The following HBP1 variants were observed in gnomAD, a reference collection of about 807,000 sequenced individuals.
The protein encoded by HBP1 is HMG box-containing protein 1.
In HBP1, 20 loss-of-function variants were observed where a neutral mutation model predicts 62.6. That is an observed-to-expected ratio of 0.32 (90% CI 0.22 to 0.46). HBP1 has a LOEUF of 0.46. Among genes scored for constraint, HBP1 ranks in the 20% least tolerant of loss-of-function variants. The pLI is 1.00. For missense variants in HBP1, 480 were observed against 611.8 expected (o/e 0.78, Z 2.27); for synonymous variants, 232 against 206.2 (o/e 1.12, Z -1.07).
intron 9 of HBP1, among the ~76,000 whole-genome samples, chr7:107,197,886 T>G (rs1034119455): frequency 2.6e-5 from 4 of 152,218 alleles, no homozygotes; most frequent in Non-Finnish European, 5.9e-5. Flanking sequence ...CCTTTCCCCT[T>G]GCTCAATTTG....
chr7:107,190,048 G>A, intron 7 of HBP1, 125 bp from the exon 8 acceptor site: 1 of 675,854 alleles, frequency 1.5e-6, no homozygotes, highest in Non-Finnish European at 2.5e-6. Context: ...CATGACTTGT[G>A]TTAGAGAATC....
intron 3 of HBP1, among the ~76,000 whole-genome samples, chr7:107,183,451 T>C (rs2115870980): frequency 6.6e-6 from 1 of 152,354 alleles, no homozygotes; most frequent in South Asian, 2.1e-4. Context: ...TAGCAGGATA[T>C]TGATCTTGAC....
At chr7:107,188,606 A>C (rs1417566201) in intron 6 of HBP1, among the ~76,000 whole-genome samples, 4 of 152,170 alleles carry the variant, frequency 2.6e-5, no homozygotes, top group African/African-American at 9.7e-5. Context: ...GCATGTGTTA[A>C]ATGCTCAATA....
intron 9 of HBP1, among the ~76,000 whole-genome samples, chr7:107,199,259 A>C (rs924000902): frequency 1.3e-5 from 2 of 152,138 alleles, no homozygotes; most frequent in East Asian, 3.9e-4. Flanking sequence ...CAAATAGTAG[A>C]GATGGGGTGA....
intron 6 of HBP1, among the ~76,000 whole-genome samples, chr7:107,188,695 A>G (rs1429625338): frequency 1.3e-5 from 2 of 152,190 alleles, no homozygotes; most frequent in Non-Finnish European, 2.9e-5. Context: ...CTCTCATTAT[A>G]TCCTCAGGTA....
At chr7:107,192,721 A>G (rs1296933351) in intron 8 of HBP1, 1 of 152,160 alleles carries the variant, frequency 6.6e-6, no homozygotes, top group African/African-American at 2.4e-5. Context: ...GATCTCACTG[A>G]ATAATAATCA....
At chr7:107,179,805 GA>G in intron 1 of HBP1, 73 bp from the exon 2 acceptor site, 1 of 901,246 alleles carries the variant, frequency 1.1e-6, no homozygotes, top group South Asian at 2.0e-5. Context: ...TCATGTCTCT[GA>G]TTTATTTTAG....
intron 9 of HBP1, among the ~76,000 whole-genome samples, chr7:107,197,669 C>G (rs991092905): frequency 2.6e-5 from 4 of 152,160 alleles, no homozygotes; most frequent in African/African-American, 4.8e-5. Context: ...GGGCCCAGCG[C>G]TAAGAGGCTT....
chr7:107,190,177 G>T lies in HBP1; in HGVS notation c.927G>T (p.Trp309Cys). The T allele has an allele frequency of 6.2e-7, 1 of 1,605,804 alleles. No individual in the cohort carries two copies. Among genetic ancestry groups the T allele is most frequent in the Non-Finnish European group, 8.5e-7 (1 of 1,176,122 alleles). ...DHPFYVKNKG[W>C]SSFYPSLTVV... ...TGCAACATTGTTTAACTTTAGGTTG[G>T]TCATCATTTTATCCAAGCTTGACTG... The change falls in exon 8 of 11, where the codon TGG becomes TGT. Residue 309 changes from tryptophan (W) to cysteine (C), a missense_variant. This residue lies in a region of HBP1 where 58 missense variants were observed against 128.5 expected (regional missense o/e 0.45). Transcript: ENST00000222574.
intron 6 of HBP1, among the ~76,000 whole-genome samples, chr7:107,188,513 G>C (rs1317853955): frequency 1.3e-5 from 2 of 152,118 alleles, no homozygotes; most frequent in Admixed American, 1.3e-4. Flanking sequence ...AGCTTTTGGC[G>C]TGTTTGTCTC....
In HBP1 at chr7:107,176,654, C is replaced by T. The variant is rs191330970; in HGVS notation, c.-15-3225C>T. Among the ~76,000 whole-genome samples, 18 of 150,394 alleles carry T rather than the reference C, an allele frequency of 1.2e-4. No individual in the cohort carries two copies. In the East Asian group the frequency reaches 2.5e-3, roughly 21 times the overall value. On this transcript the variant is annotated intron_variant, in intron 1 of 10. Transcript: ENST00000222574. ...ATTTTTTTAAGCATATGTATGATTT[C>T]GTGTGCCACAGAGTAGAGAATCACT...
intron 2 of HBP1, 27 bp downstream of exon 2, chr7:107,180,089 A>C (rs751693396): frequency 1.3e-5 from 18 of 1,416,996 alleles, no homozygotes; most frequent in Non-Finnish European, 1.8e-5. Context: ...GTTATATAGA[A>C]ATCTCACTAA....
chr7:107,187,566 G>A (rs1214064832), intron 6 of HBP1, among the ~76,000 whole-genome samples: 1 of 152,100 alleles, frequency 6.6e-6, no homozygotes, highest in Admixed American at 6.5e-5. Flanking sequence ...ATCCTGCTAT[G>A]TCTCACTATT....
intron 4 of HBP1, among the ~76,000 whole-genome samples, chr7:107,186,156 C>CT (rs946488645): frequency 0.031 from 3,957 of 125,916 alleles, 120 homozygotes; most frequent in East Asian, 0.072. Context: ...TCTTTTTTTT[C>CT]TTTTTTTTTC....
At chr7:107,196,508 TC>T (rs1406719737) in intron 9 of HBP1, 5 of 324,774 alleles carry the variant, frequency 1.5e-5, no homozygotes, top group African/African-American at 2.2e-5. Flanking sequence ...GACCTCGTGA[TC>T]CACCCACCTT....
intron 3 of HBP1, among the ~76,000 whole-genome samples, chr7:107,185,224 T>C (rs965438542): frequency 6.6e-6 from 1 of 152,202 alleles, no homozygotes; most frequent in African/African-American, 2.4e-5. Flanking sequence ...TTATATGTAG[T>C]TGCTTTTCAG....
At chr7:107,181,817 A>G (rs1797119412) in intron 2 of HBP1, among the ~76,000 whole-genome samples, 1 of 151,864 alleles carries the variant, frequency 6.6e-6, no homozygotes, top group Non-Finnish European at 1.5e-5. Flanking sequence ...TGTGTGCATG[A>G]GTGGTAGCTG....
intron 1 of HBP1, among the ~76,000 whole-genome samples, chr7:107,170,678 G>C (rs1796511968): frequency 6.6e-6 from 1 of 151,840 alleles, no homozygotes; most frequent in Non-Finnish European, 1.5e-5. Context: ...ATAGAATGAA[G>C]TTTTGATTTC....
At chr7:107,192,584 T>A (rs1178510745) in intron 8 of HBP1, 1 of 152,212 alleles carries the variant, frequency 6.6e-6, no homozygotes, top group Non-Finnish European at 1.5e-5. Flanking sequence ...TTTATTTGTA[T>A]GCTTCATAAC....
Sources: gnomAD v4.1 joint callset for allele counts (sites outside exome capture counted in the v4.1 genomes callset) on GRCh38, gnomAD v4.1.1 for gene constraint, gnomAD v4.1.1 regional missense constraint, MANE v1.5 for transcripts, NCBI Gene and HGNC (gene_info 2026-07-23, HGNC 2026-07-21) for gene names.